The following NPAS3 variants were observed in gnomAD, a reference collection of about 807,000 sequenced individuals.
NPAS3 encodes neuronal PAS domain-containing protein 3.
Under a neutral mutation model 73.1 loss-of-function variants are expected in NPAS3, and 14 were observed. That is an observed-to-expected ratio of 0.19 (90% CI 0.13 to 0.30). The LOEUF is 0.30. Among genes scored for constraint, NPAS3 ranks in the 10% least tolerant of loss-of-function variants. NPAS3 has a pLI of 1.00. For missense variants in NPAS3, 1,096 were observed against 1,250.0 expected, an observed-to-expected ratio of 0.88 and a Z score of 1.86; for synonymous variants, 620 against 541.5, an observed-to-expected ratio of 1.14 and a Z score of -2.01.
intron 3 of NPAS3, among the ~76,000 whole-genome samples, chr14:33,330,511 T>C (rs1047523565): frequency 2.0e-5 from 3 of 152,176 alleles, no homozygotes; most frequent in African/African-American, 7.2e-5. Context: ...ATATTAATGA[T>C]CTCGTTAGAG....
intron 6 of NPAS3, among the ~76,000 whole-genome samples, chr14:33,720,017 A>G (rs1397602430): frequency 6.6e-6 from 1 of 152,180 alleles, no homozygotes; most frequent in African/African-American, 2.4e-5. Flanking sequence ...TTACATTAAG[A>G]GGAACAAATC....
chr14:33,118,691 G>A (rs1340624267), intron 2 of NPAS3, among the ~76,000 whole-genome samples: 1 of 152,026 alleles, frequency 6.6e-6, no homozygotes, highest in Non-Finnish European at 1.5e-5. Flanking sequence ...AAAATGAATT[G>A]TTTATTTTTG....
intron 4 of NPAS3, among the ~76,000 whole-genome samples, chr14:33,435,114 C>G (rs574870811): frequency 5.9e-5 from 9 of 152,314 alleles, no homozygotes; most frequent in African/African-American, 2.2e-4. Context: ...CACATTGTTT[C>G]TACTCATCAA....
At chr14:33,678,420 C>G (rs928608251) in intron 6 of NPAS3, among the ~76,000 whole-genome samples, 1 of 152,172 alleles carries the variant, frequency 6.6e-6, no homozygotes, top group South Asian at 2.1e-4. Flanking sequence ...TTCCTCCTGT[C>G]ATCCTTCTCC....
intron 6 of NPAS3, among the ~76,000 whole-genome samples, chr14:33,734,165 C>T (rs1039597444): frequency 2.6e-5 from 4 of 152,022 alleles, no homozygotes; most frequent in Non-Finnish European, 4.4e-5. Context: ...CGTTAGCATA[C>T]GACTACTCGA....
chr14:33,610,395 T>A (rs1475372877), intron 5 of NPAS3, among the ~76,000 whole-genome samples: 2 of 152,162 alleles, frequency 1.3e-5, no homozygotes, highest in Non-Finnish European at 2.9e-5. Flanking sequence ...ACTGGCAAAC[T>A]ACCCTGCACA....
intron 2 of NPAS3, among the ~76,000 whole-genome samples, chr14:33,213,134 T>G (rs1298700280): frequency 1.3e-5 from 2 of 152,080 alleles, no homozygotes; most frequent in Non-Finnish European, 2.9e-5. Context: ...TTCCTCCCAG[T>G]CCCCATCAGG....
At chr14:33,369,581 A>G (rs1330447422) in intron 4 of NPAS3, among the ~76,000 whole-genome samples, 1 of 151,476 alleles carries the variant, frequency 6.6e-6, no homozygotes, top group Non-Finnish European at 1.5e-5. Context: ...CAGGAGAAAT[A>G]TAGATGGCTT....
chr14:33,554,190 C>T (rs1263999977), intron 4 of NPAS3, among the ~76,000 whole-genome samples: 1 of 152,182 alleles, frequency 6.6e-6, no homozygotes, highest in East Asian at 1.9e-4. Flanking sequence ...CTCACAGAGC[C>T]TCTCCTTATT....
At chr14:33,238,507 C>T (rs1324773341) in intron 3 of NPAS3, among the ~76,000 whole-genome samples, 1 of 151,890 alleles carries the variant, frequency 6.6e-6, no homozygotes, top group Non-Finnish European at 1.5e-5. Flanking sequence ...ATTGTTGATA[C>T]AGAGGAAAAA....
chr14:33,422,458 G>T (rs1005707062), intron 4 of NPAS3, among the ~76,000 whole-genome samples: 1 of 151,838 alleles, frequency 6.6e-6, no homozygotes, highest in African/African-American at 2.4e-5. Context: ...AGGTATAAAG[G>T]GAAATTATAT....
intron 1 of NPAS3, among the ~76,000 whole-genome samples, chr14:32,993,804 A>G (rs1404380267): frequency 6.6e-6 from 1 of 152,188 alleles, no homozygotes; most frequent in Non-Finnish European, 1.5e-5. Context: ...AAAATAAGAT[A>G]TTGTTACCTT....
intron 3 of NPAS3, among the ~76,000 whole-genome samples, chr14:33,310,560 T>A (rs902115135): frequency 4.6e-5 from 7 of 152,178 alleles, no homozygotes; most frequent in African/African-American, 1.7e-4. Flanking sequence ...ATGGCATATT[T>A]CACCCTGTTG....
intron 4 of NPAS3, among the ~76,000 whole-genome samples, chr14:33,480,149 G>A (rs1323213641): frequency 6.6e-6 from 1 of 152,178 alleles, no homozygotes; most frequent in Non-Finnish European, 1.5e-5. Flanking sequence ...AAGCCTGAGA[G>A]ATGTCGCTGG....
chr14:33,028,090 C>T (rs2039868938), intron 1 of NPAS3, among the ~76,000 whole-genome samples: 1 of 152,128 alleles, frequency 6.6e-6, no homozygotes, highest in Non-Finnish European at 1.5e-5. Context: ...AAACTTAGTG[C>T]CTCATGCCTT....
intron 3 of NPAS3, among the ~76,000 whole-genome samples, chr14:33,335,873 G>C (rs1248381618): frequency 6.6e-6 from 1 of 152,050 alleles, no homozygotes; most frequent in Non-Finnish European, 1.5e-5. Context: ...TTCTGTTTTG[G>C]GTTATTTTGA....
intron 4 of NPAS3, among the ~76,000 whole-genome samples, chr14:33,520,476 G>T (rs1173177554): frequency 1.3e-5 from 2 of 151,910 alleles, no homozygotes; most frequent in African/African-American, 4.8e-5. Flanking sequence ...TCTGGGGGAA[G>T]AAAAAAAGTG....
chr14:33,586,522 ATTAG>A (rs1341535082), intron 5 of NPAS3, among the ~76,000 whole-genome samples: 1 of 152,180 alleles, frequency 6.6e-6, no homozygotes, highest in African/African-American at 2.4e-5. Flanking sequence ...TAAATTTCTA[ATTAG>A]TTACATGTAA....
intron 1 of NPAS3, among the ~76,000 whole-genome samples, chr14:33,000,455 G>A (rs1595191800): frequency 6.6e-6 from 1 of 152,288 alleles, no homozygotes; most frequent in Middle Eastern, 3.4e-3. Context: ...GCCACTGCAA[G>A]ACTCTGCATG....
Sources: gnomAD v4.1 joint callset for allele counts (sites outside exome capture counted in the v4.1 genomes callset) on GRCh38, gnomAD v4.1.1 for gene constraint, MANE v1.5 for transcripts, NCBI Gene and HGNC (gene_info 2026-07-23, HGNC 2026-07-21) for gene names.